The following ABCC4 variants were observed in gnomAD, a reference collection of about 807,000 sequenced individuals.
ABCC4 encodes ATP binding cassette subfamily C member 4 (PEL blood group), also known as ATP-binding cassette sub-family C member 4.
In ABCC4, 102 loss-of-function variants were observed where a neutral mutation model predicts 168.5. The observed-to-expected ratio is 0.61, with a 90% CI of 0.52 to 0.71. The LOEUF (loss-of-function observed/expected upper bound fraction) is 0.71, where lower values mean the gene tolerates loss of function less well. ABCC4 is among the 30% of genes least tolerant of loss of function. The pLI is 0.00. For missense variants in ABCC4, 1,402 were observed against 1,605.8 expected (o/e 0.87, Z 2.17); for synonymous variants, 617 against 590.7 (o/e 1.04, Z -0.65).
chr13:95,164,474 T>C lies in ABCC4; in HGVS notation c.2079A>G (p.Glu693=). 6.2e-7 allele frequency: 1 copy of C among 1,614,174 alleles called. No individual in the cohort carries two copies. Among genetic ancestry groups the C allele is most frequent in the Non-Finnish European group, 8.5e-7 (1 of 1,180,030 alleles). ...PVTLSEENRS[E]GKVGFQAYKN... The stretch of plus-strand genomic sequence containing the variant: ...TATAGGCCTGAAAACCAACTTTTCC[T>C]TCAGAACGGTTCTCCTCTGATAGTG... The change falls in exon 16 of 31, where the codon GAA becomes GAG. Residue 693 remains glutamate (E), a synonymous_variant. Transcript: ENST00000645237.
chr13:95,109,391 A>AACACACACAC (rs61165942), intron 20 of ABCC4, among the ~76,000 whole-genome samples: 10,365 of 150,338 alleles, frequency 0.069, 399 homozygotes, highest in South Asian at 0.097. Flanking sequence ...CAGGTGTGCA[A>AACACACACAC]ACACACACAC....
chr13:95,292,462 A>G (rs1594455031), intron 1 of ABCC4, among the ~76,000 whole-genome samples: 1 of 152,124 alleles, frequency 6.6e-6, no homozygotes, highest in African/African-American at 2.4e-5. Context: ...TGTTGACAAA[A>G]AAACAAAGGA....
At chr13:95,084,278 G>A (rs565107972) in intron 20 of ABCC4, among the ~76,000 whole-genome samples, 1 of 152,276 alleles carries the variant, frequency 6.6e-6, no homozygotes, top group African/African-American at 2.4e-5. Context: ...ACTTGATCAA[G>A]AACACACAGC....
intron 21 of ABCC4, among the ~76,000 whole-genome samples, chr13:95,079,721 G>C (rs2034027207): frequency 6.6e-6 from 1 of 152,126 alleles, no homozygotes; most frequent in Admixed American, 6.5e-5. Flanking sequence ...TGCAGTCCTA[G>C]CTATTCAGGA....
intron 4 of ABCC4, among the ~76,000 whole-genome samples, chr13:95,229,587 C>T (rs1002234457): frequency 2.0e-5 from 3 of 152,188 alleles, no homozygotes; most frequent in African/African-American, 4.8e-5. Flanking sequence ...AAATTAGATA[C>T]AAAGTCAAGA....
At chr13:95,055,210 T>A (rs566018420) in intron 26 of ABCC4, among the ~76,000 whole-genome samples, 1 of 152,318 alleles carries the variant, frequency 6.6e-6, no homozygotes, top group African/African-American at 2.4e-5. Context: ...GGAATAACCA[T>A]CATTCTGGTT....
intron 19 of ABCC4, among the ~76,000 whole-genome samples, chr13:95,154,144 T>C (rs1276145731): frequency 6.6e-6 from 1 of 152,238 alleles, no homozygotes; most frequent in Non-Finnish European, 1.5e-5. Flanking sequence ...ATTCCCTTTA[T>C]AGTCACTTGC....
At chr13:95,024,978 G>C (rs2031319330) in intron 30 of ABCC4, among the ~76,000 whole-genome samples, 1 of 151,978 alleles carries the variant, frequency 6.6e-6, no homozygotes, top group Non-Finnish European at 1.5e-5. Flanking sequence ...TGAAGAGCAA[G>C]CCTCAACAAT....
intron 20 of ABCC4, among the ~76,000 whole-genome samples, chr13:95,087,212 AAAAC>A (rs1183541936): frequency 2.6e-5 from 4 of 152,194 alleles, no homozygotes; most frequent in Non-Finnish European, 2.9e-5. Context: ...ACTAAAACAA[AAAAC>A]AAACAAACAA....
chr13:95,164,234 C>G, intron 16 of ABCC4, 144 bp downstream of exon 16: 1 of 953,050 alleles, frequency 1.0e-6, no homozygotes, highest in Non-Finnish European at 1.6e-6. Context: ...ACATGGAACA[C>G]CAGTAGGCAG....
intron 21 of ABCC4, among the ~76,000 whole-genome samples, chr13:95,078,358 G>A (rs1439582882): frequency 3.3e-5 from 5 of 152,146 alleles, no homozygotes; most frequent in African/African-American, 9.7e-5. Context: ...GTTGCAGTAA[G>A]CCAAGATTAC....
At chr13:95,167,226 C>T (rs1320063272) in intron 14 of ABCC4, among the ~76,000 whole-genome samples, 1 of 144,032 alleles carries the variant, frequency 6.9e-6, no homozygotes, top group Non-Finnish European at 1.5e-5. Flanking sequence ...AAATAATTGC[C>T]CCAAAGACTC....
chr13:95,051,464 G>A (rs949585316), intron 27 of ABCC4, among the ~76,000 whole-genome samples: 3 of 152,016 alleles, frequency 2.0e-5, no homozygotes, highest in Admixed American at 1.3e-4. Flanking sequence ...GACCTCCAGG[G>A]CTCACAAGAT....
chr13:95,237,706 C>T lies in ABCC4; in HGVS notation c.307-2872G>A, dbSNP rs558833959. Among the ~76,000 whole-genome samples the T allele has an allele frequency of 4.1e-4, 62 of 152,210 alleles. 1 individual carries two copies. The highest frequency in any genetic ancestry group is 1.4e-3 in the African/African-American group (58 of 41,534). ...TGACACATTACATGTCTAGGCCCAGCGGGCACGCGGCCTCCATGCTCCTGC... is the reference window on the plus strand; with the variant it reads ...TGACACATTACATGTCTAGGCCCAGTGGGCACGCGGCCTCCATGCTCCTGC... On this transcript the variant is annotated intron_variant, in intron 3 of 30. Transcript: ENST00000645237.
At chr13:95,025,312 C>A (rs117235227) in intron 30 of ABCC4, among the ~76,000 whole-genome samples, 6,759 of 35,520 alleles carry the variant, frequency 0.19, 1,087 homozygotes, top group East Asian at 0.3. Context: ...CGCCCACCCC[C>A]CACACACACC....
At chr13:95,113,839 T>C (rs1416198673) in intron 20 of ABCC4, among the ~76,000 whole-genome samples, 1 of 152,160 alleles carries the variant, frequency 6.6e-6, no homozygotes, top group Non-Finnish European at 1.5e-5. Flanking sequence ...CTGACAACCA[T>C]TTAAACAATG....
At chr13:95,127,470 G>C (rs975750323) in intron 19 of ABCC4, among the ~76,000 whole-genome samples, 1 of 152,034 alleles carries the variant, frequency 6.6e-6, no homozygotes, top group Non-Finnish European at 1.5e-5. Context: ...TAGAGACGAG[G>C]TTTCTCCATG....
chr13:95,167,486 C>G (rs1234171123), intron 14 of ABCC4, among the ~76,000 whole-genome samples: 2 of 152,130 alleles, frequency 1.3e-5, no homozygotes, highest in African/African-American at 4.8e-5. Context: ...CCAGGACCCT[C>G]CCTGCTACCC....
At chr13:95,211,847 G>C (rs79346546) in intron 4 of ABCC4, among the ~76,000 whole-genome samples, 1 of 151,838 alleles carries the variant, frequency 6.6e-6, no homozygotes, top group Non-Finnish European at 1.5e-5. Flanking sequence ...CTATGTGAAT[G>C]GGAAAAAAAG....
Sources: gnomAD v4.1 joint callset for allele counts (sites outside exome capture counted in the v4.1 genomes callset) on GRCh38, gnomAD v4.1.1 for gene constraint, MANE v1.5 for transcripts, NCBI Gene and HGNC (gene_info 2026-07-23, HGNC 2026-07-21) for gene names.